The following CCNDBP1 variants were observed in gnomAD, a reference collection of about 807,000 sequenced individuals.
CCNDBP1 encodes the protein cyclin-D1-binding protein 1.
CCNDBP1 carries 45 observed loss-of-function variants against 46.2 expected under a neutral mutation model. The ratio of observed to expected loss-of-function variants is 0.97; its 90% CI spans 0.77 to 1.25. The LOEUF (loss-of-function observed/expected upper bound fraction) is 1.25, where lower values mean the gene tolerates loss of function less well. Among genes scored for constraint, CCNDBP1 ranks in the 50% most tolerant of loss-of-function variants. CCNDBP1 has a pLI of 0.00. For missense variants in CCNDBP1, 436 were observed against 442.1 expected (o/e 0.99, Z 0.12); for synonymous variants, 154 against 163.6 (o/e 0.94, Z 0.45).
At chr15:43,191,341 G>A (rs1033351081) in intron 7 of CCNDBP1, 54 bp from the exon 8 acceptor site, 46 of 1,165,586 alleles carry the variant, frequency 3.9e-5, no homozygotes, top group Admixed American at 9.0e-5. Flanking sequence ...AATAGGCCTC[G>A]CCTTTTTTTT....
intron 3 of CCNDBP1, 58 bp from the exon 4 acceptor site, chr15:43,189,141 C>T: frequency 1.4e-6 from 1 of 689,934 alleles, no homozygotes; most frequent in Non-Finnish European, 2.5e-6. Context: ...GAAATATCTG[C>T]TCTATTCCAC....
Position 43,195,422 on chromosome 15 carries a change from A to G in CCNDBP1, c.*581A>G, listed in dbSNP as rs2042026212. 6.6e-6 allele frequency: 1 copy of G among 152,230 alleles called. No homozygotes were observed. The highest frequency in any genetic ancestry group is 2.4e-5 in the African/African-American group (1 of 41,450). 9.4% of individuals were successfully genotyped at this position (152,230 alleles called of 1,614,324 possible). ...TCTGAATATTATCACAGATTACTCC[A>G]TGTCTCTAAAATATATTGGCATTGA... On this transcript the variant is annotated 3_prime_UTR_variant, in exon 11 of 11. Transcript: ENST00000300213.
At chr15:43,185,747 C>T in intron 1 of CCNDBP1, 73 bp from the exon 2 acceptor site, 3 of 1,519,050 alleles carry the variant, frequency 2.0e-6, no homozygotes, top group East Asian at 2.4e-5. Context: ...CGGGCTTGGG[C>T]GAGGGAGGTG....
rs2042012183 is a variant in CCNDBP1, at chr15:43,194,427, G to T, written c.934G>T (p.Val312Leu). 1.2e-6 allele frequency: 2 copies of T among 1,606,126 alleles called. No homozygotes were observed. Reference protein sequence around the residue: ...LTVRINSAKLVSVLKKALEIT... With the variant: ...LTVRINSAKLLSVLKKALEIT... Reference sequence around the variant, plus strand: ...GTTTCTTTTCTAGTCTGCGAAACTTGTATCTGTTTTAAAGAAGGCACTTGA... The same window carrying T: ...GTTTCTTTTCTAGTCTGCGAAACTTTTATCTGTTTTAAAGAAGGCACTTGA... The change falls in exon 10 of 11, where the codon GTA (valine) becomes TTA (leucine). Residue 312 changes from valine to leucine, a missense_variant. By Grantham distance (32) the Val-to-Leu change is conservative. Transcript: ENST00000300213.
rs1245748911 is a variant in CCNDBP1, at chr15:43,195,080, A to G, written c.*239A>G. On this transcript the variant is annotated 3_prime_UTR_variant, in exon 11 of 11. Coordinates refer to ENST00000300213, the MANE Select transcript of CCNDBP1 (RefSeq NM_012142.5). ...ATAATTGCATGATTTCTCATTCCTG[A>G]GTCATTTCTCAGAGATTCCTAGGAA... 2.2e-5 allele frequency: 8 copies of G among 357,188 alleles called. No individual in the cohort carries two copies. The allele number at this position is 357,188 out of a possible 1,614,324, so 22.1% of individuals were successfully genotyped here.
At chr15:43,194,349 A>G in intron 9 of CCNDBP1, 66 bp from the exon 10 acceptor site, 1 of 1,362,234 alleles carries the variant, frequency 7.3e-7, no homozygotes, top group South Asian at 1.5e-5. Context: ...TGGGTCTTTA[A>G]AAATATTTGA....
chr15:43,196,981 C>A lies in CCNDBP1; in HGVS notation c.*2140C>A, dbSNP rs766270628. ...GTTCTCGCTCTATATGTCCCTCCCC[C>A]ACCCCAGAGCTGGCTGTTAAAACGA... On this transcript the variant is annotated 3_prime_UTR_variant, in exon 11 of 11. Coordinates refer to ENST00000300213, the MANE Select transcript of CCNDBP1 (RefSeq NM_012142.5). The A allele has an allele frequency of 3.6e-5, 14 of 384,132 alleles. 1 individual carries two copies. The highest frequency in any genetic ancestry group is 2.0e-4 in the South Asian group (9 of 45,714). 23.8% of individuals were successfully genotyped at this position (384,132 alleles called of 1,614,324 possible).
At chr15:43,193,681 T>C (rs1019148923) in intron 9 of CCNDBP1, among the ~76,000 whole-genome samples, 6 of 152,212 alleles carry the variant, frequency 3.9e-5, no homozygotes, top group African/African-American at 1.2e-4. Context: ...TCTAATGTTA[T>C]TGGAAAGAGC....
chr15:43,192,982 T>A, intron 9 of CCNDBP1, 179 bp downstream of exon 9: 1 of 607,286 alleles, frequency 1.6e-6, no homozygotes, highest in South Asian at 2.0e-5. Context: ...GAAGTTGAAT[T>A]ATAATAGCCA....
intron 9 of CCNDBP1, chr15:43,193,324 C>T (rs1274118273): frequency 4.6e-5 from 4 of 86,422 alleles, no homozygotes; most frequent in Non-Finnish European, 6.1e-5. Flanking sequence ...CAGAGCAAGA[C>T]TCTGTCTCAA....
At chr15:43,189,669 A>G in intron 4 of CCNDBP1, 1 of 314,566 alleles carries the variant, frequency 3.2e-6, no homozygotes. Context: ...AATGGCCTCC[A>G]GCCCTGCCTG....
rs2042032649 is a variant in CCNDBP1, at chr15:43,195,908, T to TGC, written c.*1067_*1068insGC. The TGC allele has an allele frequency of 6.6e-6, 1 of 152,178 alleles. No homozygotes were observed. The highest frequency in any genetic ancestry group is 1.5e-5 in the Non-Finnish European group (1 of 68,028). 9.4% of individuals were successfully genotyped at this position (152,178 alleles called of 1,614,324 possible). A position where few individuals can be genotyped will look rare whatever the true frequency, so the allele number is the denominator to read the frequency against. ...TTGAAATTCCTTAAGCCAAATGAGTTTTAGCTTACTGTTTTGAAGTGCCAT... is the reference window on the plus strand; with the variant it reads ...TTGAAATTCCTTAAGCCAAATGAGTTGCTTAGCTTACTGTTTTGAAGTGCCAT... On this transcript the variant is annotated 3_prime_UTR_variant, in exon 11 of 11. Transcript: ENST00000300213.
At position 43,191,666 on chromosome 15, in the gene CCNDBP1, T is replaced by A. The variant is rs779337259; in HGVS notation, c.851T>A (p.Ile284Asn). The change falls in exon 8 of 11, where the codon ATC becomes AAC. Residue 284 changes from isoleucine to asparagine, a missense_variant. By Grantham distance (149) the Ile-to-Asn change is moderately radical. Coordinates refer to ENST00000300213, the MANE Select transcript of CCNDBP1 (RefSeq NM_012142.5). ...LDDIVDISDE[I>N]SPSVDDLALS... The stretch of plus-strand genomic sequence containing the variant: ...GACATTGTGGATATTTCTGATGAAA[T>A]CAGCCCTAGGTAAGCGGGATCCCCA... 9.3e-6 allele frequency: 15 copies of A among 1,604,418 alleles called. No homozygotes were observed. The highest frequency in any genetic ancestry group is 1.8e-4 in the Middle Eastern group (1 of 5,590).
rs147781453 is a variant in CCNDBP1 at position 43,190,371 on chromosome 15, T to C, written c.475T>C (p.Cys159Arg). ...LISYNSVWVA[C>R]QQMPQIPRDN... ...TTCCTACAACAGTGTCTGGGTTGCG[T>C]GCCAGCAGATGCCTCAGATACCAAG... The change falls in exon 6 of 11, where the codon TGC (cysteine) becomes CGC (arginine). Residue 159 changes from cysteine (C) to arginine (R), a missense_variant. Physicochemically the swap from Cys to Arg is radical, Grantham distance 180 (BLOSUM62 -3). Transcript: ENST00000300213. The C allele has an allele frequency of 3.6e-4, 576 of 1,614,072 alleles. No homozygotes were observed. Among genetic ancestry groups the C allele is most frequent in the Non-Finnish European group, 4.6e-4 (544 of 1,180,040 alleles).
chr15:43,194,814 G>C lies in CCNDBP1; in HGVS notation c.1056G>C (p.Glu352Asp). The change falls in exon 11 of 11, where the codon GAG becomes GAC. Residue 352 changes from glutamate (E) to aspartate (D), a missense_variant. Physicochemically the swap from Glu to Asp is conservative, Grantham distance 45. Transcript: ENST00000300213. ...AIDHCMNRIK[E>D]LTQSELEL Reference sequence around the variant, plus strand: ...ATCATTGCATGAATAGAATCAAGGAGCTCACTCAGAGTGAACTTGAATTAT... The same window carrying C: ...ATCATTGCATGAATAGAATCAAGGACCTCACTCAGAGTGAACTTGAATTAT... 3.7e-6 allele frequency: 6 copies of C among 1,611,652 alleles called. No individual in the cohort carries two copies. Among genetic ancestry groups the C allele is most frequent in the Non-Finnish European group, 5.1e-6 (6 of 1,177,788 alleles).
chr15:43,194,050 T>TC, intron 9 of CCNDBP1: 1 of 303,352 alleles, frequency 3.3e-6, no homozygotes, highest in South Asian at 2.4e-5. Context: ...AATGCGCTTT[T>TC]TTTTTTTTTT....
In CCNDBP1 at chr15:43,186,162, G is replaced by T; in HGVS notation, c.178G>T (p.Ala60Ser). ...CTTCGGCCACCCCCCAGATGAGGCA[G>T]CTGTGACTGTGTCAAGGGAAGCCAC... ...EMFWRRLNEA[A>S]VTVSREATTL... is the part of the protein sequence containing the mutation. Residue 60 changes from alanine to serine, a missense_variant, in exon 3 of 11, where the codon GCT (alanine) becomes TCT (serine). By Grantham distance (99) the Ala-to-Ser change is moderately conservative (BLOSUM62 1). Transcript: ENST00000300213. The T allele has an allele frequency of 2.5e-6, 4 of 1,614,102 alleles. No homozygotes were observed. Among genetic ancestry groups the T allele is most frequent in the Non-Finnish European group, 3.4e-6 (4 of 1,179,972 alleles).
Position 43,185,574 on chromosome 15 carries a change from GA to G in CCNDBP1, c.77del (p.Glu26GlyfsTer36), listed in dbSNP as rs1362227954. On this transcript the variant is annotated frameshift_variant, in exon 1 of 11. Transcript: ENST00000300213. LOFTEE classifies it high-confidence loss of function. ...TTTGGAGCAGCTCCGGCACTTGGCG[GA>G]GGAGCTGCGGTTGCTCCTGCCTCGA... is the stretch of plus-strand genomic sequence containing the variant. ...SPLEQLRHLA[E>X]ELRLLLPRVR... The G allele has an allele frequency of 1.9e-6, 3 of 1,582,982 alleles. No individual in the cohort carries two copies. In the African/African-American group the frequency reaches 4.0e-5, roughly 21 times the overall value.
chr15:43,188,419 G>C (rs984289445), intron 3 of CCNDBP1: 6 of 152,098 alleles, frequency 3.9e-5, no homozygotes, highest in Admixed American at 3.9e-4. Flanking sequence ...TCTGTAAAGG[G>C]CCAGTTAGTA....
Sources: allele counts gnomAD v4.1 joint callset (sites outside exome capture counted in the v4.1 genomes callset), GRCh38; gene constraint gnomAD v4.1.1; transcripts MANE v1.5; gene names NCBI Gene and HGNC (gene_info 2026-07-23, HGNC 2026-07-21).